SYNRG: variants seen among roughly 807,000 people sequenced by gnomAD.
The protein encoded by SYNRG is AP1 gamma subunit binding protein 1.
A neutral mutation model predicts 130.9 loss-of-function variants in SYNRG; 37 were observed. The ratio of observed to expected loss-of-function variants is 0.28; its 90% CI spans 0.22 to 0.37. The LOEUF is 0.37. SYNRG is among the 10% of genes least tolerant of loss of function. The probability of loss-of-function intolerance (pLI) is 1.00; values close to 1 mark genes in which losing one functional copy is unlikely to be tolerated. For missense variants in SYNRG, 1,338 were observed against 1,588.9 expected, an observed-to-expected ratio of 0.84 and a Z score of 2.68; for synonymous variants, 539 against 568.1, an observed-to-expected ratio of 0.95 and a Z score of 0.73.
At chr17:37,574,338 C>T (rs773068908) in intron 8 of SYNRG, among the ~76,000 whole-genome samples, 13 of 152,128 alleles carry the variant, frequency 8.5e-5, no homozygotes, top group African/African-American at 2.2e-4. Flanking sequence ...CCAGGACATT[C>T]GTCTGGGCAA....
chr17:37,556,061 A>G (rs2145476696), intron 13 of SYNRG, among the ~76,000 whole-genome samples: 1 of 152,332 alleles, frequency 6.6e-6, no homozygotes, highest in East Asian at 1.9e-4. Flanking sequence ...ATTTTCCCCT[A>G]AAAATGACAT....
chr17:37,531,912 C>T (rs990648854), intron 19 of SYNRG, among the ~76,000 whole-genome samples: 3 of 152,196 alleles, frequency 2.0e-5, no homozygotes, highest in African/African-American at 7.2e-5. Context: ...AAAATGGCTG[C>T]GTAAGATCCT....
chr17:37,544,176 A>T (rs1246024096), intron 14 of SYNRG, among the ~76,000 whole-genome samples: 1 of 152,254 alleles, frequency 6.6e-6, no homozygotes, highest in East Asian at 1.9e-4. Flanking sequence ...CACTAGTTGT[A>T]CAAAAAACCA....
chr17:37,527,649 G>A (rs1346638878), intron 19 of SYNRG, among the ~76,000 whole-genome samples: 9 of 152,058 alleles, frequency 5.9e-5, no homozygotes, highest in South Asian at 2.1e-4. Context: ...AACTATTTAC[G>A]CAGCATTTAC....
At chr17:37,605,778 A>T in intron 1 of SYNRG, 1 of 974,924 alleles carries the variant, frequency 1.0e-6, no homozygotes, top group Non-Finnish European at 1.2e-6. Context: ...ACTAATTCTT[A>T]TATTACTGAC....
intron 13 of SYNRG, 36 bp downstream of exon 13, chr17:37,561,159 G>A (rs1250596360): frequency 6.4e-7 from 1 of 1,564,194 alleles, no homozygotes; most frequent in Admixed American, 1.8e-5. Context: ...ATTAAAAATG[G>A]AAATAATTTA....
At chr17:37,522,625 G>T (rs1253365584) in intron 19 of SYNRG, among the ~76,000 whole-genome samples, 1 of 143,282 alleles carries the variant, frequency 7.0e-6, no homozygotes, top group Non-Finnish European at 1.5e-5. Flanking sequence ...GCACCACCAT[G>T]CCCAGCTAAC....
chr17:37,541,925 A>G (rs779131370), intron 15 of SYNRG, 47 bp downstream of exon 15: 1 of 1,517,322 alleles, frequency 6.6e-7, no homozygotes, highest in East Asian at 2.3e-5. Flanking sequence ...CTAACATCTC[A>G]GTGGAAAAAA....
chr17:37,571,380 G>A (rs1406733515), intron 9 of SYNRG, among the ~76,000 whole-genome samples: 3 of 152,088 alleles, frequency 2.0e-5, no homozygotes, highest in Non-Finnish European at 4.4e-5. Context: ...TCAGGAGTTC[G>A]AGACTAGCCT....
intron 2 of SYNRG, among the ~76,000 whole-genome samples, chr17:37,598,859 G>A (rs971820247): frequency 1.2e-4 from 19 of 152,238 alleles, no homozygotes; most frequent in African/African-American, 3.9e-4. Context: ...CATGATAATG[G>A]ACACATAACT....
intron 19 of SYNRG, among the ~76,000 whole-genome samples, chr17:37,530,715 T>C (rs959195233): frequency 1.3e-5 from 2 of 152,192 alleles, no homozygotes; most frequent in Admixed American, 6.5e-5. Context: ...TGAATGTAAA[T>C]AGAGAAATAG....
At position 37,608,632 on chromosome 17, in the gene SYNRG, ACTTT is replaced by A. The variant is rs2064032985; in HGVS notation, c.77+643_77+646del. 3.9e-5 allele frequency among the ~76,000 whole-genome samples: 6 copies of A among 152,184 alleles called. No individual in the cohort carries two copies. In the South Asian group the frequency reaches 1.0e-3, roughly 26 times the overall value. ...ATGCGCAACTGCTGTTTAACAGTGCACTTTCTTTGTTTTTAAATGCCTTTTTAAA... is the reference window on the plus strand; with the variant it reads ...ATGCGCAACTGCTGTTTAACAGTGCACTTTGTTTTTAAATGCCTTTTTAAA... On this transcript the variant is annotated intron_variant, in intron 1 of 21. Coordinates refer to ENST00000612223, the MANE Select transcript of SYNRG (RefSeq NM_007247.6).
At chr17:37,592,826 A>G (rs1161601646) in intron 3 of SYNRG, among the ~76,000 whole-genome samples, 1 of 152,180 alleles carries the variant, frequency 6.6e-6, no homozygotes, top group African/African-American at 2.4e-5. Flanking sequence ...GGGAGATGGA[A>G]ATGTTCTGTA....
At chr17:37,599,869 T>C (rs2063114195) in intron 2 of SYNRG, among the ~76,000 whole-genome samples, 1 of 152,194 alleles carries the variant, frequency 6.6e-6, no homozygotes, top group Non-Finnish European at 1.5e-5. Flanking sequence ...AAAATAGCAG[T>C]GTAAAACAAC....
At chr17:37,569,122 A>G (rs1469813825) in intron 10 of SYNRG, among the ~76,000 whole-genome samples, 198 bp from the exon 11 acceptor site, 1 of 152,258 alleles carries the variant, frequency 6.6e-6, no homozygotes, top group Non-Finnish European at 1.5e-5. Context: ...TTAAATAGCT[A>G]ATTTAGGCTG....
At position 37,596,202 on chromosome 17, in the gene SYNRG, ACCAACTAAAGAAG is replaced by A; in HGVS notation, c.240+8_240+20del. 1 of 1,611,836 alleles carries A rather than the reference ACCAACTAAAGAAG, an allele frequency of 6.2e-7. No homozygotes were observed. Among genetic ancestry groups the A allele is most frequent in the Non-Finnish European group, 8.5e-7 (1 of 1,179,068 alleles). On this transcript the variant is annotated splice_region_variant and intron_variant, in intron 3 of 21. Coordinates refer to ENST00000612223, the MANE Select transcript of SYNRG (RefSeq NM_007247.6). ...ACAACAAACAATAACTTTGTAAGAA[ACCAACTAAAGAAG>A]CAAGTACCTGCATAGCAATAGGTCC...
At chr17:37,589,162 G>A (rs1165542654) in intron 3 of SYNRG, among the ~76,000 whole-genome samples, 1 of 152,200 alleles carries the variant, frequency 6.6e-6, no homozygotes, top group Non-Finnish European at 1.5e-5. Flanking sequence ...GACTAAAAGA[G>A]TAAAAGTGTC....
intron 19 of SYNRG, among the ~76,000 whole-genome samples, chr17:37,534,380 G>A (rs937448937): frequency 6.6e-6 from 1 of 151,954 alleles, no homozygotes; most frequent in South Asian, 2.1e-4. Flanking sequence ...ACCGGGTTAT[G>A]AGACTGGTTA....
At chr17:37,601,359 G>A (rs113620991) in intron 1 of SYNRG, among the ~76,000 whole-genome samples, 23,255 of 152,026 alleles carry the variant, frequency 0.15, 1,941 homozygotes, top group Middle Eastern at 0.27. Flanking sequence ...GTGAGCCACC[G>A]CACCTGGTCA....
Sources: gnomAD v4.1 joint callset for allele counts (sites outside exome capture counted in the v4.1 genomes callset) on GRCh38, gnomAD v4.1.1 for gene constraint, MANE v1.5 for transcripts, NCBI Gene and HGNC (gene_info 2026-07-23, HGNC 2026-07-21) for gene names.